SLC16A12: variants seen among roughly 807,000 people sequenced by gnomAD.
SLC16A12 encodes the protein monocarboxylate transporter 12.
In SLC16A12, 17 loss-of-function variants were observed where a neutral mutation model predicts 42.4. The observed-to-expected ratio is 0.40, with a 90% CI of 0.27 to 0.60. The LOEUF (loss-of-function observed/expected upper bound fraction) is 0.60, where lower values mean the gene tolerates loss of function less well. Among genes scored for constraint, SLC16A12 ranks in the 20% least tolerant of loss-of-function variants. SLC16A12 has a pLI of 0.42. For missense variants in SLC16A12, 544 were observed against 623.0 expected (o/e 0.87, Z 1.35); for synonymous variants, 224 against 229.4 (o/e 0.98, Z 0.21).
intron 3 of SLC16A12, among the ~76,000 whole-genome samples, chr10:89,456,456 A>C (rs549734042): frequency 2.0e-5 from 3 of 152,262 alleles, no homozygotes; most frequent in African/African-American, 7.2e-5. Context: ...TTAAGTATCA[A>C]CCCAACTCAA....
At chr10:89,532,017 C>A (rs1302710332) in intron 2 of SLC16A12, among the ~76,000 whole-genome samples, 3 of 152,192 alleles carry the variant, frequency 2.0e-5, no homozygotes, top group Non-Finnish European at 4.4e-5. Flanking sequence ...GCATCAGAGG[C>A]ATGTTCTGTG....
intron 2 of SLC16A12, among the ~76,000 whole-genome samples, chr10:89,487,380 T>C (rs903287213): frequency 1.3e-5 from 2 of 152,144 alleles, no homozygotes; most frequent in African/African-American, 4.8e-5. Context: ...GGAACTCTCA[T>C]ACATTGTCGG....
At chr10:89,518,165 T>C (rs1366551323) in intron 2 of SLC16A12, among the ~76,000 whole-genome samples, 1 of 152,206 alleles carries the variant, frequency 6.6e-6, no homozygotes, top group Admixed American at 6.5e-5. Context: ...TGGGCCTCCA[T>C]GAAGCCCTCC....
chr10:89,537,851 T>C (rs1843690170), upstream of SLC16A12, among the ~76,000 whole-genome samples: 2 of 152,234 alleles, frequency 1.3e-5, no homozygotes, highest in South Asian at 4.1e-4. Context: ...ACTGTGTTTA[T>C]TCTATTCAAT....
intron 2 of SLC16A12, among the ~76,000 whole-genome samples, chr10:89,530,050 T>G (rs1474289450): frequency 6.6e-6 from 1 of 152,234 alleles, no homozygotes; most frequent in Admixed American, 6.5e-5. Flanking sequence ...TTGAACATTT[T>G]GTTTCAATTC....
At chr10:89,447,549 T>C (rs1842025056) in intron 3 of SLC16A12, among the ~76,000 whole-genome samples, 1 of 152,164 alleles carries the variant, frequency 6.6e-6, no homozygotes, top group Non-Finnish European at 1.5e-5. Context: ...AAGATGTTCT[T>C]TGAAACCAGT....
At chr10:89,444,505 G>T (rs551691649) in intron 3 of SLC16A12, among the ~76,000 whole-genome samples, 1 of 152,274 alleles carries the variant, frequency 6.6e-6, no homozygotes, top group African/African-American at 2.4e-5. Flanking sequence ...TAAAAATGAT[G>T]ATGTTGATCT....
intron 3 of SLC16A12, among the ~76,000 whole-genome samples, chr10:89,454,624 T>C (rs1386846481): frequency 2.0e-5 from 3 of 152,028 alleles, no homozygotes; most frequent in Non-Finnish European, 2.9e-5. Flanking sequence ...CCCATGATTT[T>C]TTTTTTAATA....
At chr10:89,497,264 C>T (rs1842933393) in intron 2 of SLC16A12, among the ~76,000 whole-genome samples, 1 of 152,128 alleles carries the variant, frequency 6.6e-6, no homozygotes, top group African/African-American at 2.4e-5. Flanking sequence ...CACATATACA[C>T]ACATGAGATA....
At chr10:89,468,310 G>C (rs1842437853) in intron 2 of SLC16A12, among the ~76,000 whole-genome samples, 1 of 152,152 alleles carries the variant, frequency 6.6e-6, no homozygotes, top group Non-Finnish European at 1.5e-5. Context: ...TCATGAATAA[G>C]CGCACTCGAT....
chr10:89,539,917 T>TTTCTTTTTTTC (rs1564604845), upstream of SLC16A12, among the ~76,000 whole-genome samples: 1 of 136,952 alleles, frequency 7.3e-6, no homozygotes, highest in African/African-American at 2.7e-5. Context: ...TTCTTTTTTC[T>TTTCTTTTTTTC]TTTTTTCTTT....
chr10:89,438,497 TG>T (rs1841841915), intron 6 of SLC16A12, 106 bp downstream of exon 6: 11 of 1,044,650 alleles, frequency 1.1e-5, no homozygotes, highest in Non-Finnish European at 1.5e-5. Context: ...ACTGCAGACT[TG>T]TTAACATTAT....
intron 3 of SLC16A12, among the ~76,000 whole-genome samples, chr10:89,444,755 G>C (rs1177562786): frequency 2.6e-5 from 4 of 152,222 alleles, no homozygotes; most frequent in Non-Finnish European, 5.9e-5. Context: ...GGGACTCGTT[G>C]GACAGTGGGT....
Position 89,430,880 on chromosome 10 carries a change from G to A in SLC16A12, c.*2184C>T. 1 of 352,022 alleles carries A rather than the reference G, an allele frequency of 2.8e-6. No homozygotes were observed. Among genetic ancestry groups the A allele is most frequent in the Non-Finnish European group, 5.5e-6 (1 of 183,332 alleles). The allele number at this position is 352,022 out of a possible 1,614,324, so 21.8% of individuals were successfully genotyped here. On this transcript the variant is annotated 3_prime_UTR_variant, in exon 8 of 8. Transcript: ENST00000371790. ...ATAAAAAATATGTATAAGAATATTTGTAACTATTCATATTTTTAAACATCT... is the reference window on the plus strand; with the variant it reads ...ATAAAAAATATGTATAAGAATATTTATAACTATTCATATTTTTAAACATCT...
intron 2 of SLC16A12, among the ~76,000 whole-genome samples, chr10:89,529,371 A>G (rs566576968): frequency 1.3e-5 from 2 of 152,206 alleles, no homozygotes; most frequent in East Asian, 3.9e-4. Context: ...TGAAAAAAAC[A>G]TAGTCTACAA....
intron 2 of SLC16A12, chr10:89,462,994 C>T: frequency 5.6e-6 from 1 of 178,496 alleles, no homozygotes; most frequent in South Asian, 1.3e-4. Context: ...TTCCAGCACC[C>T]TCTTCCAACA....
At chr10:89,551,696 T>C (rs1429661761) in intron 2 of SLC16A12, among the ~76,000 whole-genome samples, 1 of 152,186 alleles carries the variant, frequency 6.6e-6, no homozygotes, top group Non-Finnish European at 1.5e-5. Context: ...AGAGATCTGA[T>C]GGTTTTATCA....
At chr10:89,490,078 G>C (rs957186756) in intron 2 of SLC16A12, among the ~76,000 whole-genome samples, 3 of 152,168 alleles carry the variant, frequency 2.0e-5, no homozygotes, top group Non-Finnish European at 2.9e-5. Context: ...GTGACTCAAG[G>C]TATGAAGGGT....
intron 2 of SLC16A12, among the ~76,000 whole-genome samples, chr10:89,474,959 G>A (rs1471898197): frequency 6.6e-6 from 1 of 152,142 alleles, no homozygotes; most frequent in Non-Finnish European, 1.5e-5. Context: ...TTTAAGCTGC[G>A]TCTTGGTAGA....
Sources: allele counts gnomAD v4.1 joint callset (sites outside exome capture counted in the v4.1 genomes callset), GRCh38; gene constraint gnomAD v4.1.1; transcripts MANE v1.5; gene names NCBI Gene and HGNC (gene_info 2026-07-23, HGNC 2026-07-21).